Variants in CLOCK observed in about 807,000 individuals in gnomAD.
CLOCK encodes the protein clock circadian regulator, also known as circadian locomoter output cycles protein kaput.
CLOCK carries 43 observed loss-of-function variants against 118.4 expected under a neutral mutation model. That is an observed-to-expected ratio of 0.36 (90% CI 0.28 to 0.47). The LOEUF is 0.47. Ranked by LOEUF, CLOCK falls within the 20% of genes least tolerant of loss-of-function variation. CLOCK has a pLI of 1.00. For synonymous variants in CLOCK, 326 were observed against 339.2 expected (o/e 0.96, Z 0.43); for missense variants, 846 against 999.9 (o/e 0.85, Z 2.08).
intron 1 of CLOCK, among the ~76,000 whole-genome samples, chr4:55,528,026 T>C (rs1050077133): frequency 7.1e-6 from 1 of 141,686 alleles, no homozygotes; most frequent in Non-Finnish European, 1.5e-5. Context: ...AGCAAGACCC[T>C]GTCTCTCAAA....
intron 15 of CLOCK, among the ~76,000 whole-genome samples, chr4:55,451,865 T>C (rs1192352913): frequency 2.0e-5 from 3 of 152,228 alleles, no homozygotes; most frequent in Non-Finnish European, 4.4e-5. Context: ...GGGAAGTTGT[T>C]TGCATTATTC....
At chr4:55,473,202 G>A (rs1367463284) in intron 7 of CLOCK, among the ~76,000 whole-genome samples, 9 of 151,084 alleles carry the variant, frequency 6.0e-5, no homozygotes, top group Admixed American at 4.6e-4. Flanking sequence ...CAGCCTGGGC[G>A]ACTAAGCAAG....
intron 18 of CLOCK, among the ~76,000 whole-genome samples, chr4:55,448,564 G>GT (rs1724080424): frequency 6.6e-6 from 1 of 151,248 alleles, no homozygotes; most frequent in Admixed American, 6.6e-5. Context: ...CACTGCATCT[G>GT]TAACTATAAT....
chr4:55,508,900 C>T (rs1728975249), intron 2 of CLOCK, among the ~76,000 whole-genome samples: 1 of 152,128 alleles, frequency 6.6e-6, no homozygotes, highest in Admixed American at 6.5e-5. Context: ...CGTGGGGATA[C>T]ATTTTGAGAA....
intron 7 of CLOCK, among the ~76,000 whole-genome samples, chr4:55,471,552 CT>C (rs1425549879): frequency 1.3e-5 from 2 of 152,144 alleles, no homozygotes; most frequent in African/African-American, 4.8e-5. Flanking sequence ...AAGAAAAGTA[CT>C]TCGAGCAAGC....
chr4:55,523,622 G>A (rs6854965), intron 1 of CLOCK, among the ~76,000 whole-genome samples: 6 of 152,124 alleles, frequency 3.9e-5, no homozygotes, highest in Admixed American at 2.0e-4. Context: ...ATCCATGCAC[G>A]AATCTGGAAC....
intron 1 of CLOCK, among the ~76,000 whole-genome samples, chr4:55,516,450 T>C (rs964158885): frequency 2.0e-5 from 3 of 152,244 alleles, no homozygotes; most frequent in Admixed American, 1.3e-4. Flanking sequence ...ATTTATGCAA[T>C]GCCCCTCTTT....
rs984553577 is a variant in CLOCK, at chr4:55,438,271, G to A, written c.2361+11C>T. ...ATGAGTTTGAAGCAGCTTCCCCATG[G>A]GGAGAATTACCTGTAAAAATTGTTG... On this transcript the variant is annotated intron_variant, in intron 22 of 22. Coordinates refer to ENST00000513440, the MANE Select transcript of CLOCK (RefSeq NM_004898.4). 1 of 1,613,860 alleles carries A rather than the reference G, an allele frequency of 6.2e-7. No individual in the cohort carries two copies. The highest frequency in any genetic ancestry group is 8.5e-7 in the Non-Finnish European group (1 of 1,179,950).
chr4:55,457,667 C>T (rs1294689604), intron 11 of CLOCK, among the ~76,000 whole-genome samples: 1 of 152,186 alleles, frequency 6.6e-6, no homozygotes, highest in Admixed American at 6.5e-5. Flanking sequence ...CTTCCCCCTC[C>T]ACACACTAAC....
intron 9 of CLOCK, 117 bp from the exon 10 acceptor site, chr4:55,459,378 A>G: frequency 1.4e-6 from 1 of 704,842 alleles, no homozygotes; most frequent in South Asian, 1.7e-5. Flanking sequence ...TTTCCCCAAC[A>G]GAAGTCGTCA....
intron 7 of CLOCK, 57 bp from the exon 8 acceptor site, chr4:55,470,863 G>T: frequency 8.0e-7 from 1 of 1,254,730 alleles, no homozygotes; most frequent in South Asian, 1.3e-5. Flanking sequence ...TTGCAGGACA[G>T]AAATAAAAAT....
At chr4:55,523,662 A>C (rs1729983189) in intron 1 of CLOCK, among the ~76,000 whole-genome samples, 1 of 152,184 alleles carries the variant, frequency 6.6e-6, no homozygotes, top group Non-Finnish European at 1.5e-5. Flanking sequence ...TCCAGGTTTC[A>C]TATACATCTC....
intron 8 of CLOCK, among the ~76,000 whole-genome samples, chr4:55,464,492 T>C (rs1725595088): frequency 6.6e-6 from 1 of 152,160 alleles, no homozygotes; most frequent in African/African-American, 2.4e-5. Flanking sequence ...TTCCATGACT[T>C]TACATTTGCC....
At chr4:55,506,812 C>CG (rs1560465151) in intron 2 of CLOCK, among the ~76,000 whole-genome samples, 1 of 151,930 alleles carries the variant, frequency 6.6e-6, no homozygotes, top group African/African-American at 2.4e-5. Flanking sequence ...CCACCCACCT[C>CG]GGCCTTCCAA....
At chr4:55,501,106 A>C (rs1728404546) in intron 2 of CLOCK, among the ~76,000 whole-genome samples, 1 of 152,166 alleles carries the variant, frequency 6.6e-6, no homozygotes, top group Non-Finnish European at 1.5e-5. Flanking sequence ...CTCCCACCTC[A>C]GCCTGCCAAA....
chr4:55,441,554 A>G (rs771348336), intron 21 of CLOCK, among the ~76,000 whole-genome samples: 4 of 152,222 alleles, frequency 2.6e-5, no homozygotes, highest in Non-Finnish European at 4.4e-5. Context: ...TCAGCCATAA[A>G]AAAAGAAAAA....
At chr4:55,543,688 G>A (rs974178634) in intron 1 of CLOCK, among the ~76,000 whole-genome samples, 1 of 151,878 alleles carries the variant, frequency 6.6e-6, no homozygotes, top group Non-Finnish European at 1.5e-5. Flanking sequence ...TGAGGCAGGA[G>A]AATCTCTTGA....
chr4:55,481,219 C>G (rs1007971701), intron 4 of CLOCK, among the ~76,000 whole-genome samples: 2 of 152,044 alleles, frequency 1.3e-5, no homozygotes, highest in African/African-American at 4.8e-5. Context: ...CTGTAACACT[C>G]ATATCATGGT....
intron 1 of CLOCK, chr4:55,545,863 G>A (rs1731583678): frequency 6.6e-6 from 1 of 152,302 alleles, no homozygotes; most frequent in South Asian, 2.1e-4. Context: ...AAGCGCGGGT[G>A]GACGGAAGAA....
Sources: gnomAD v4.1 joint callset for allele counts (sites outside exome capture counted in the v4.1 genomes callset) on GRCh38, gnomAD v4.1.1 for gene constraint, MANE v1.5 for transcripts, NCBI Gene and HGNC (gene_info 2026-07-23, HGNC 2026-07-21) for gene names.